The following FRMD4A variants were observed in gnomAD, a reference collection of about 807,000 sequenced individuals.
FRMD4A encodes the protein FERM domain containing 4A.
Under a neutral mutation model 129.1 loss-of-function variants are expected in FRMD4A, and 29 were observed. The ratio of observed to expected loss-of-function variants is 0.22; its 90% CI spans 0.17 to 0.31. The LOEUF (loss-of-function observed/expected upper bound fraction) is 0.31, where lower values mean the gene tolerates loss of function less well. Ranked by LOEUF, FRMD4A falls within the 10% of genes least tolerant of loss-of-function variation. FRMD4A has a pLI of 1.00. For synonymous variants in FRMD4A, 634 were observed against 571.6 expected, an observed-to-expected ratio of 1.11 and a Z score of -1.56; for missense variants, 1,272 against 1,375.8, an observed-to-expected ratio of 0.92 and a Z score of 1.19.
chr10:13,980,472 G>A (rs1374118063), intron 2 of FRMD4A, among the ~76,000 whole-genome samples: 1 of 152,234 alleles, frequency 6.6e-6, no homozygotes, highest in African/African-American at 2.4e-5. Context: ...CTTATGCCCT[G>A]TAATCCCAAT....
chr10:14,244,248 T>C (rs1368393633), intron 2 of FRMD4A, among the ~76,000 whole-genome samples: 1 of 152,186 alleles, frequency 6.6e-6, no homozygotes, highest in African/African-American at 2.4e-5. Flanking sequence ...TAGGGGATCA[T>C]CCTCACTGCT....
At chr10:13,902,139 C>T (rs1255766211) in intron 2 of FRMD4A, among the ~76,000 whole-genome samples, 1 of 141,506 alleles carries the variant, frequency 7.1e-6, no homozygotes, top group Non-Finnish European at 1.6e-5. Flanking sequence ...GTCTCAGCCT[C>T]CTGAGTAGCT....
intron 2 of FRMD4A, among the ~76,000 whole-genome samples, chr10:14,255,012 C>T (rs1166331893): frequency 2.0e-5 from 3 of 152,128 alleles, no homozygotes; most frequent in African/African-American, 7.2e-5. Flanking sequence ...TGGCTTGTAA[C>T]CCATCAAGCA....
intron 6 of FRMD4A, among the ~76,000 whole-genome samples, 186 bp downstream of exon 6, chr10:13,782,736 C>T (rs1212337709): frequency 6.6e-6 from 1 of 152,150 alleles, no homozygotes; most frequent in Non-Finnish European, 1.5e-5. Context: ...GCCAGCGCGC[C>T]GGGTCAGGAA....
chr10:13,655,082 T>C (rs1030399966), intron 22 of FRMD4A: 1 of 153,152 alleles, frequency 6.5e-6, no homozygotes, highest in African/African-American at 2.4e-5. Context: ...TAATAGCTCA[T>C]CCAAACCTGA....
chr10:14,188,011 T>C (rs1432715337), intron 2 of FRMD4A, among the ~76,000 whole-genome samples: 2 of 152,150 alleles, frequency 1.3e-5, no homozygotes, highest in Admixed American at 6.5e-5. Context: ...TCCACCTCCT[T>C]GTAGCCTCTC....
chr10:14,104,294 G>T (rs1013071160), intron 2 of FRMD4A, among the ~76,000 whole-genome samples: 1 of 151,792 alleles, frequency 6.6e-6, no homozygotes, highest in Non-Finnish European at 1.5e-5. Context: ...CACTGCCATC[G>T]ACGTTACACC....
chr10:13,993,749 G>A (rs1209970153), intron 2 of FRMD4A, among the ~76,000 whole-genome samples: 5 of 152,048 alleles, frequency 3.3e-5, no homozygotes, highest in Non-Finnish European at 7.4e-5. Flanking sequence ...TCAGCAAAGA[G>A]GATGTCATCT....
At chr10:14,171,521 CAG>C (rs1841475839) in intron 2 of FRMD4A, among the ~76,000 whole-genome samples, 1 of 152,208 alleles carries the variant, frequency 6.6e-6, no homozygotes, top group Non-Finnish European at 1.5e-5. Flanking sequence ...ACCCAGGAGA[CAG>C]AGTATGTTCA....
At chr10:13,875,467 A>G (rs2094479386) in intron 2 of FRMD4A, among the ~76,000 whole-genome samples, 1 of 152,208 alleles carries the variant, frequency 6.6e-6, no homozygotes, top group Non-Finnish European at 1.5e-5. Context: ...GAGGGCAAAG[A>G]GGTTCGGATG....
chr10:13,947,403 A>T (rs1168721998), intron 2 of FRMD4A, among the ~76,000 whole-genome samples: 1 of 152,086 alleles, frequency 6.6e-6, no homozygotes, highest in Non-Finnish European at 1.5e-5. Context: ...AAACAAGGGG[A>T]GCTTGTTGCA....
chr10:13,649,019 A>G (rs2081334571), intron 24 of FRMD4A, among the ~76,000 whole-genome samples: 1 of 152,228 alleles, frequency 6.6e-6, no homozygotes, highest in South Asian at 2.1e-4. Flanking sequence ...GGTTCTGAGA[A>G]GTCCTGGATT....
rs565400097 is a variant in FRMD4A, at chr10:14,209,481, C to T, written c.45+120577G>A. 6.6e-5 allele frequency among the ~76,000 whole-genome samples: 10 copies of T among 152,170 alleles called. No homozygotes were observed. The South Asian group carries it at 1.5e-3, about 22-fold the overall frequency. On this transcript the variant is annotated intron_variant, in intron 2 of 24. Coordinates refer to ENST00000357447, the MANE Select transcript of FRMD4A (RefSeq NM_018027.5). ...AAGGAAAGTGGTGGGCATGGTGGCT[C>T]ACGCCTGTAATCCCAGCACTTTGAG...
intron 2 of FRMD4A, among the ~76,000 whole-genome samples, chr10:14,056,753 T>A (rs1020948683): frequency 1.3e-5 from 2 of 152,238 alleles, no homozygotes; most frequent in African/African-American, 2.4e-5. Context: ...CTCTTTCATG[T>A]GCAAATAGTC....
At chr10:13,887,728 A>G (rs1045459086) in intron 2 of FRMD4A, among the ~76,000 whole-genome samples, 3 of 152,210 alleles carry the variant, frequency 2.0e-5, no homozygotes, top group Admixed American at 6.6e-5. Flanking sequence ...TAGCCCCCCA[A>G]ATAAGCATTA....
intron 3 of FRMD4A, among the ~76,000 whole-genome samples, chr10:13,847,243 C>G (rs3858174): frequency 1 from 152,275 of 152,294 alleles, 76,128 homozygotes; most frequent in Middle Eastern, 1. Context: ...GTGGGCGGCC[C>G]CAGGGGTGGG....
At chr10:14,234,615 T>C (rs1049015820) in intron 2 of FRMD4A, among the ~76,000 whole-genome samples, 3 of 152,232 alleles carry the variant, frequency 2.0e-5, no homozygotes, top group Non-Finnish European at 4.4e-5. Flanking sequence ...TCTGTGACTA[T>C]GGTCTATGGA....
intron 2 of FRMD4A, chr10:13,871,169 C>T (rs572969928): frequency 6.2e-4 from 83 of 133,182 alleles, no homozygotes; most frequent in South Asian, 5.9e-3. Flanking sequence ...CTGCCCTGCA[C>T]GACTTCACTG....
intron 2 of FRMD4A, among the ~76,000 whole-genome samples, chr10:13,866,991 A>T (rs966156138): frequency 6.6e-6 from 1 of 152,196 alleles, no homozygotes; most frequent in Non-Finnish European, 1.5e-5. Context: ...CAGATAGTGT[A>T]ATGGTTACTA....
Sources: gnomAD v4.1 joint callset for allele counts (sites outside exome capture counted in the v4.1 genomes callset) on GRCh38, gnomAD v4.1.1 for gene constraint, MANE v1.5 for transcripts, NCBI Gene and HGNC (gene_info 2026-07-23, HGNC 2026-07-21) for gene names.